CFAP61: variants seen among roughly 807,000 people sequenced by gnomAD.
CFAP61 encodes the protein cilia- and flagella-associated protein 61.
CFAP61 carries 107 observed loss-of-function variants against 135.6 expected under a neutral mutation model. That is an observed-to-expected ratio of 0.79 (90% CI 0.67 to 0.93). The LOEUF is 0.93. Ranked by LOEUF, CFAP61 falls within the 40% of genes least tolerant of loss-of-function variation. CFAP61 has a pLI of 0.00. For synonymous variants in CFAP61, 575 were observed against 578.5 expected (o/e 0.99, Z 0.09); for missense variants, 1,507 against 1,556.2 (o/e 0.97, Z 0.53).
chr20:20,137,130 A>T lies in CFAP61; in HGVS notation c.860-5727A>T, dbSNP rs1568982044. On this transcript the variant is annotated intron_variant, in intron 8 of 26. Transcript: ENST00000245957. ...AAATGAAGTCTCTCTCTCTGTGTTG[A>T]GCCACCTGAAGCTGGGGGAGGGGTG... Among the ~76,000 whole-genome samples the T allele has an allele frequency of 2.0e-5, 3 of 152,146 alleles. No homozygotes were observed. The South Asian group carries it at 6.2e-4, about 32-fold the overall frequency.
intron 2 of CFAP61, among the ~76,000 whole-genome samples, chr20:20,057,901 G>GT (rs1436439336): frequency 6.6e-6 from 1 of 151,870 alleles, no homozygotes; most frequent in Non-Finnish European, 1.5e-5. Flanking sequence ...TTGTTTGTTT[G>GT]TTTTTTAGTA....
chr20:20,126,726 G>T (rs1032552827), intron 8 of CFAP61, among the ~76,000 whole-genome samples: 1 of 151,788 alleles, frequency 6.6e-6, no homozygotes, highest in Non-Finnish European at 1.5e-5. Context: ...AATTTCTCAG[G>T]TGTTCTTTGT....
intron 21 of CFAP61, among the ~76,000 whole-genome samples, chr20:20,269,442 G>A (rs1240682691): frequency 6.6e-6 from 1 of 151,742 alleles, no homozygotes; most frequent in Non-Finnish European, 1.5e-5. Flanking sequence ...TGCAATCTAG[G>A]CTCACTGCAA....
At chr20:20,212,482 C>T (rs1037026175) in intron 17 of CFAP61, among the ~76,000 whole-genome samples, 6 of 152,168 alleles carry the variant, frequency 3.9e-5, no homozygotes, top group Non-Finnish European at 8.8e-5. Flanking sequence ...AGTTCTGTGA[C>T]CCACCCCTGC....
rs371107877 is a variant in CFAP61, at chr20:20,208,795, G to A, written c.1932+8893G>A. On this transcript the variant is annotated intron_variant, in intron 17 of 26. Coordinates refer to ENST00000245957, the MANE Select transcript of CFAP61 (RefSeq NM_015585.4). ...CTCTGTGGGTCAGCAGGTTCTGCCC[G>A]TGCAGGCCACCTGCCCTTCAGCTCA... Among the ~76,000 whole-genome samples, 334 of 152,294 alleles carry A rather than the reference G, an allele frequency of 2.2e-3. 4 individuals are homozygous for A. The South Asian group carries it at 0.036, about 16-fold the overall frequency.
chr20:20,071,644 T>C (rs940581065), intron 3 of CFAP61, among the ~76,000 whole-genome samples: 24 of 152,146 alleles, frequency 1.6e-4, no homozygotes, highest in Admixed American at 7.2e-4. Flanking sequence ...ACCCTGGCCT[T>C]GTGGTGGAAT....
intron 26 of CFAP61, among the ~76,000 whole-genome samples, chr20:20,343,403 A>G (rs1043148816): frequency 2.0e-5 from 3 of 152,248 alleles, no homozygotes; most frequent in African/African-American, 4.8e-5. Flanking sequence ...ACCAAACAGC[A>G]GTGGCTTAGG....
At chr20:20,055,736 C>T (rs909731413) in intron 1 of CFAP61, among the ~76,000 whole-genome samples, 1 of 152,098 alleles carries the variant, frequency 6.6e-6, no homozygotes, top group Non-Finnish European at 1.5e-5. Flanking sequence ...CAATTTAAAA[C>T]CAGAACAAGG....
At chr20:20,225,528 A>G (rs1012061675) in intron 17 of CFAP61, 2 of 152,198 alleles carry the variant, frequency 1.3e-5, no homozygotes, top group Non-Finnish European at 2.9e-5. Context: ...AACAAAAGCC[A>G]TTCTGTTCTG....
intron 12 of CFAP61, among the ~76,000 whole-genome samples, chr20:20,167,275 T>C (rs536138991): frequency 6.6e-6 from 1 of 152,346 alleles, no homozygotes; most frequent in East Asian, 1.9e-4. Context: ...CCTCATTTGT[T>C]ATTATAATGA....
intron 22 of CFAP61, among the ~76,000 whole-genome samples, chr20:20,287,219 G>C (rs1419133296): frequency 3.3e-5 from 5 of 152,132 alleles, no homozygotes; most frequent in Non-Finnish European, 5.9e-5. Context: ...TTGAAAGAAA[G>C]AAGCATCCTG....
intron 9 of CFAP61, among the ~76,000 whole-genome samples, chr20:20,148,877 T>C (rs1006875272): frequency 5.3e-5 from 8 of 152,210 alleles, no homozygotes; most frequent in Admixed American, 5.2e-4. Flanking sequence ...ATTCCAGTTC[T>C]CAGAAGGAAT....
At chr20:20,211,495 A>T (rs2146916477) in intron 17 of CFAP61, among the ~76,000 whole-genome samples, 1 of 152,350 alleles carries the variant, frequency 6.6e-6, no homozygotes, top group East Asian at 1.9e-4. Flanking sequence ...AATACAAAAG[A>T]TGACTTAAAA....
chr20:20,065,779 T>A (rs2045207759), intron 2 of CFAP61, among the ~76,000 whole-genome samples: 1 of 152,104 alleles, frequency 6.6e-6, no homozygotes, highest in African/African-American at 2.4e-5. Flanking sequence ...GGGAAAGGGC[T>A]GAAAGAATCA....
chr20:20,325,162 C>CA (rs1398730740), intron 25 of CFAP61, among the ~76,000 whole-genome samples: 1 of 152,178 alleles, frequency 6.6e-6, no homozygotes, highest in Middle Eastern at 3.2e-3. Context: ...GCCACTTACA[C>CA]AGTTTCTACT....
intron 8 of CFAP61, among the ~76,000 whole-genome samples, chr20:20,118,253 G>GTTCCTTCCTTTCTTTCTTTCTTTC (rs1201152599): frequency 7.2e-6 from 1 of 138,532 alleles, no homozygotes; most frequent in African/African-American, 2.7e-5. Flanking sequence ...TTTGAGGTAT[G>GTTCCTTCCTTTCTTTCTTTCTTTC]TTTCTTTCTT....
At chr20:20,245,610 A>C (rs1453088598) in intron 18 of CFAP61, among the ~76,000 whole-genome samples, 2 of 152,186 alleles carry the variant, frequency 1.3e-5, no homozygotes, top group Admixed American at 1.3e-4. Flanking sequence ...AAACTATATC[A>C]ATGGTCTTCG....
chr20:20,294,971 A>AATC (rs1396663404), intron 24 of CFAP61, among the ~76,000 whole-genome samples: 6 of 147,914 alleles, frequency 4.1e-5, no homozygotes, highest in Admixed American at 3.4e-4. Flanking sequence ...TAATAATAAT[A>AATC]ATAATACCAA....
chr20:20,133,628 A>G (rs572994659), intron 8 of CFAP61, among the ~76,000 whole-genome samples: 7 of 152,292 alleles, frequency 4.6e-5, no homozygotes, highest in African/African-American at 1.4e-4. Flanking sequence ...AAAAAGAAGA[A>G]TGCTGATGAC....
Sources: gnomAD v4.1 joint callset for allele counts (sites outside exome capture counted in the v4.1 genomes callset) on GRCh38, gnomAD v4.1.1 for gene constraint, MANE v1.5 for transcripts, NCBI Gene and HGNC (gene_info 2026-07-23, HGNC 2026-07-21) for gene names.